MRTFB: variants seen among roughly 807,000 people sequenced by gnomAD.
MRTFB encodes myocardin-related transcription factor B.
MRTFB carries 29 observed loss-of-function variants against 104.2 expected under a neutral mutation model. That is an observed-to-expected ratio of 0.28 (90% confidence interval 0.21 to 0.38). The LOEUF (loss-of-function observed/expected upper bound fraction) is 0.38, where lower values mean the gene tolerates loss of function less well. MRTFB is among the 10% of genes least tolerant of loss of function. The pLI is 1.00. For missense variants in MRTFB, 1,270 were observed against 1,341.6 expected, an observed-to-expected ratio of 0.95 and a Z score of 0.83; for synonymous variants, 535 against 519.5, an observed-to-expected ratio of 1.03 and a Z score of -0.41.
intron 2 of MRTFB, among the ~76,000 whole-genome samples, chr16:14,086,732 C>G (rs2034726204): frequency 6.6e-6 from 1 of 152,088 alleles, no homozygotes; most frequent in African/African-American, 2.4e-5. Context: ...CTTTAAAGCC[C>G]TGATTCTAAA....
chr16:14,188,437 T>C (rs779576491), intron 3 of MRTFB, among the ~76,000 whole-genome samples: 24 of 151,494 alleles, frequency 1.6e-4, no homozygotes, highest in Admixed American at 3.9e-4. Context: ...TAAAAAGATG[T>C]CACAACAGCA....
At chr16:14,053,441 T>A in the MRTFB span, among the ~76,000 whole-genome samples, 41 of 152,026 alleles carry the variant, frequency 2.7e-4, no homozygotes, top group Admixed American at 7.9e-4. Context: ...AATATTTTTT[T>A]AAAAAATTAG....
At chr16:14,092,821 C>T (rs2035160025) in intron 2 of MRTFB, 1 of 152,138 alleles carries the variant, frequency 6.6e-6, no homozygotes, top group Non-Finnish European at 1.5e-5. Context: ...AGATACAAAG[C>T]AGGAAACTTA....
At chr16:14,171,651 C>A (rs972080172) in intron 3 of MRTFB, among the ~76,000 whole-genome samples, 1 of 152,178 alleles carries the variant, frequency 6.6e-6, no homozygotes, top group African/African-American at 2.4e-5. Context: ...TAACTCCACT[C>A]TCTGACAGTG....
the MRTFB span, among the ~76,000 whole-genome samples, chr16:14,018,441 T>A: frequency 6.6e-6 from 1 of 152,368 alleles, no homozygotes; most frequent in East Asian, 1.9e-4. Flanking sequence ...TATTGTTTAT[T>A]TTCACTGAGC....
At chr16:14,071,757 C>A (rs1403745398) in intron 1 of MRTFB, among the ~76,000 whole-genome samples, 1 of 152,164 alleles carries the variant, frequency 6.6e-6, no homozygotes, top group East Asian at 1.9e-4. Flanking sequence ...CGGGCCAGAG[C>A]CACACTGCGA....
At chr16:14,013,284 T>C in the MRTFB span, 1 of 152,172 alleles carries the variant, frequency 6.6e-6, no homozygotes, top group African/African-American at 2.4e-5. Context: ...GCAATCTCTA[T>C]CCGGAAATTG....
intron 8 of MRTFB, among the ~76,000 whole-genome samples, chr16:14,222,039 C>G (rs2041746770): frequency 6.6e-6 from 1 of 152,152 alleles, no homozygotes; most frequent in Admixed American, 6.5e-5. Flanking sequence ...CTCGCCCTCC[C>G]AAAGTGCTGG....
At chr16:14,084,830 G>A (rs2034604119) in intron 2 of MRTFB, among the ~76,000 whole-genome samples, 1 of 152,098 alleles carries the variant, frequency 6.6e-6, no homozygotes, top group African/African-American at 2.4e-5. Flanking sequence ...CTTGAGGAAG[G>A]TTTCATATGA....
the MRTFB span, among the ~76,000 whole-genome samples, chr16:14,024,067 G>T: frequency 6.6e-6 from 1 of 151,814 alleles, no homozygotes; most frequent in Non-Finnish European, 1.5e-5. Flanking sequence ...AAAAAAGAAT[G>T]GTGCCTGGTG....
At chr16:14,075,745 G>A (rs1057059978) in intron 1 of MRTFB, among the ~76,000 whole-genome samples, 1 of 152,054 alleles carries the variant, frequency 6.6e-6, no homozygotes, top group Non-Finnish European at 1.5e-5. Flanking sequence ...ATATACTTTG[G>A]CTCGATTGGA....
chr16:14,003,644 C>CCTGCCTGCCTGCCTGCCTGCCTGCCTG, the MRTFB span, among the ~76,000 whole-genome samples: 1 of 10,504 alleles, frequency 9.5e-5, no homozygotes, highest in African/African-American at 1.9e-4. Flanking sequence ...CTGCCTGCCT[C>CCTGCCTGCCTGCCTGCCTGCCTGCCTG]CCTCCCTCCC....
intron 3 of MRTFB, among the ~76,000 whole-genome samples, chr16:14,185,897 C>G (rs1177108984): frequency 6.6e-6 from 1 of 152,196 alleles, no homozygotes; most frequent in Non-Finnish European, 1.5e-5. Context: ...AGATTTCCTT[C>G]CAGCAGTGTC....
At chr16:14,198,784 G>T (rs1208417745) in intron 3 of MRTFB, among the ~76,000 whole-genome samples, 1 of 152,160 alleles carries the variant, frequency 6.6e-6, no homozygotes, top group African/African-American at 2.4e-5. Context: ...TGCAGCAGTC[G>T]CCAATCCTCA....
At chr16:14,158,523 C>T (rs1158063623) in intron 3 of MRTFB, among the ~76,000 whole-genome samples, 1 of 152,014 alleles carries the variant, frequency 6.6e-6, no homozygotes, top group Non-Finnish European at 1.5e-5. Flanking sequence ...CTAAAGCTAC[C>T]TGGTTTAGAT....
chr16:14,158,782 C>G (rs749404864), intron 3 of MRTFB, among the ~76,000 whole-genome samples: 1 of 151,996 alleles, frequency 6.6e-6, no homozygotes, highest in Non-Finnish European at 1.5e-5. Context: ...GTTGAACTTG[C>G]CTAGATTCCC....
chr16:14,190,138 C>T (rs2040112604), intron 3 of MRTFB, among the ~76,000 whole-genome samples: 1 of 152,076 alleles, frequency 6.6e-6, no homozygotes, highest in African/African-American at 2.4e-5. Context: ...TAGACACCAG[C>T]CAGTATATGT....
chr16:14,049,511 G>A, the MRTFB span, among the ~76,000 whole-genome samples: 148 of 152,342 alleles, frequency 9.7e-4, 1 homozygote, highest in Admixed American at 3.9e-3. Context: ...CAGATTAAAT[G>A]TGAGTGAAGA....
intron 10 of MRTFB, among the ~76,000 whole-genome samples, chr16:14,242,425 C>T (rs2042813863): frequency 6.6e-6 from 1 of 152,108 alleles, no homozygotes; most frequent in African/African-American, 2.4e-5. Flanking sequence ...TATTATTTAA[C>T]CACAAAAAGA....
Sources: gnomAD v4.1 joint callset for allele counts (sites outside exome capture counted in the v4.1 genomes callset) on GRCh38, gnomAD v4.1.1 for gene constraint, MANE v1.5 for transcripts, NCBI Gene and HGNC (gene_info 2026-07-23, HGNC 2026-07-21) for gene names.